Variants in MAPK10 observed in about 807,000 individuals in gnomAD.
MAPK10 encodes JNK3 alpha protein kinase.
A neutral mutation model predicts 59.3 loss-of-function variants in MAPK10; 25 were observed. The observed-to-expected ratio is 0.42, with a 90% CI of 0.31 to 0.59. MAPK10 has a LOEUF of 0.59. Among genes scored for constraint, MAPK10 ranks in the 20% least tolerant of loss-of-function variants. The pLI is 0.15. For synonymous variants in MAPK10, 190 were observed against 200.5 expected, an observed-to-expected ratio of 0.95 and a Z score of 0.44; for missense variants, 351 against 568.9, an observed-to-expected ratio of 0.62 and a Z score of 3.90.
At chr4:86,486,408 A>T (rs1754000714) in intron 1 of MAPK10, among the ~76,000 whole-genome samples, 7 of 152,248 alleles carry the variant, frequency 4.6e-5, no homozygotes, top group Admixed American at 4.6e-4. Context: ...GTAACTTTTG[A>T]TCACATGATT....
chr4:86,147,139 T>G (rs1467094014), intron 4 of MAPK10, among the ~76,000 whole-genome samples: 1 of 152,046 alleles, frequency 6.6e-6, no homozygotes. Context: ...CAGGCTGGAG[T>G]GCAGTAGCAT....
intron 2 of MAPK10, among the ~76,000 whole-genome samples, chr4:86,244,549 A>G (rs1427080771): frequency 6.6e-6 from 1 of 152,212 alleles, no homozygotes; most frequent in Non-Finnish European, 1.5e-5. Context: ...ACAGTTCTTA[A>G]TAATAGCATC....
At chr4:86,441,810 C>T (rs768733975) in intron 1 of MAPK10, among the ~76,000 whole-genome samples, 2 of 152,188 alleles carry the variant, frequency 1.3e-5, no homozygotes, top group Admixed American at 6.5e-5. Flanking sequence ...CAGGCTCCCC[C>T]TATTGTCCCC....
At chr4:86,076,196 G>A (rs1055759747) in intron 9 of MAPK10, among the ~76,000 whole-genome samples, 8 of 152,148 alleles carry the variant, frequency 5.3e-5, no homozygotes, top group Non-Finnish European at 8.8e-5. Flanking sequence ...CTCGGAAAGG[G>A]AACTCCCTGA....
intron 4 of MAPK10, among the ~76,000 whole-genome samples, chr4:86,154,900 G>A (rs959248561): frequency 7.2e-5 from 11 of 151,964 alleles, no homozygotes; most frequent in Non-Finnish European, 8.8e-5. Flanking sequence ...AATTTTTCTC[G>A]TAATTTTTAT....
At chr4:86,254,752 T>A (rs2093627562) in intron 2 of MAPK10, among the ~76,000 whole-genome samples, 1 of 150,286 alleles carries the variant, frequency 6.7e-6, no homozygotes, top group Non-Finnish European at 1.5e-5. Flanking sequence ...GTCTCGTTGA[T>A]CTGTCTAATG....
At position 86,304,392 on chromosome 4, in the gene MAPK10, T is replaced by TC. The variant is rs1408986817; in HGVS notation, c.-7+50137_-7+50138insG. Among the ~76,000 whole-genome samples the TC allele has an allele frequency of 2.1e-4, 19 of 89,042 alleles. No individual in the cohort carries two copies. The East Asian group carries it at 5.0e-3, about 23-fold the overall frequency. The allele number at this position is 89,042 out of a possible 152,430, so 58.4% of individuals were successfully genotyped here. On this transcript the variant is annotated intron_variant, in intron 2 of 13. Transcript: ENST00000641462. The stretch of plus-strand genomic sequence containing the variant: ...TGGCTTGTTTTGGAGTATTTCTTTT[T>TC]TTTTTTTTTTTTTTTTTTGAGACGG...
In MAPK10 at chr4:86,084,811, C is replaced by T. The variant is rs58418821; in HGVS notation, c.802+13713G>A. 4.3e-3 allele frequency among the ~76,000 whole-genome samples: 657 copies of T among 152,196 alleles called. 30 individuals carry two copies. The East Asian group carries it at 0.1, about 24-fold the overall frequency. On this transcript the variant is annotated intron_variant, in intron 9 of 13. Coordinates refer to ENST00000641462, the MANE Select transcript of MAPK10 (RefSeq NM_138982.4). ...CCAAAGCTATCCTAAGCAAAAAGAA[C>T]AAAATTGGAGGAAATCACATTACCT...
At chr4:86,341,298 T>C (rs1421378641) in intron 2 of MAPK10, among the ~76,000 whole-genome samples, 1 of 152,230 alleles carries the variant, frequency 6.6e-6, no homozygotes, top group Non-Finnish European at 1.5e-5. Flanking sequence ...TTCTGCACTC[T>C]AGACCAAGGG....
chr4:86,578,853 A>C (rs2149111285), intron 1 of MAPK10, among the ~76,000 whole-genome samples: 1 of 152,184 alleles, frequency 6.6e-6, no homozygotes, highest in South Asian at 2.1e-4. Context: ...TAAACAGAAA[A>C]TCTTGAAGAT....
At chr4:86,095,929 T>G (rs1487071667) in intron 9 of MAPK10, among the ~76,000 whole-genome samples, 1 of 151,822 alleles carries the variant, frequency 6.6e-6, no homozygotes, top group Admixed American at 6.6e-5. Flanking sequence ...TTTTCTAACC[T>G]ATTTCATTGG....
At chr4:86,079,787 T>C (rs997692213) in intron 9 of MAPK10, 1 of 152,144 alleles carries the variant, frequency 6.6e-6, no homozygotes, top group Non-Finnish European at 1.5e-5. Context: ...CTTCTGTATA[T>C]AACACTACAT....
At chr4:86,549,859 C>G (rs1301551048) in intron 1 of MAPK10, among the ~76,000 whole-genome samples, 1 of 151,678 alleles carries the variant, frequency 6.6e-6, no homozygotes, top group Admixed American at 6.6e-5. Context: ...AATAAACAAA[C>G]AAACAAACAA....
intron 1 of MAPK10, among the ~76,000 whole-genome samples, chr4:86,552,249 G>A (rs541803809): frequency 7.9e-5 from 12 of 151,644 alleles, no homozygotes; most frequent in South Asian, 2.1e-4. Flanking sequence ...GAAAGACCTC[G>A]TCTTTACAAA....
At chr4:86,524,091 T>C (rs146176601) in intron 1 of MAPK10, among the ~76,000 whole-genome samples, 3 of 152,324 alleles carry the variant, frequency 2.0e-5, no homozygotes, top group African/African-American at 7.2e-5. Flanking sequence ...CTTCCTCTTT[T>C]GCAATGTGAT....
intron 2 of MAPK10, among the ~76,000 whole-genome samples, chr4:86,202,204 A>C (rs1203304981): frequency 6.6e-6 from 1 of 151,740 alleles, no homozygotes; most frequent in East Asian, 1.9e-4. Context: ...CAAACTGTTC[A>C]TTTTCAGCAT....
Position 86,017,181 on chromosome 4 carries a change from T to C in MAPK10, c.*47A>G, listed in dbSNP as rs183689080. On this transcript the variant is annotated 3_prime_UTR_variant, in exon 14 of 14. Coordinates refer to ENST00000641462, the MANE Select transcript of MAPK10 (RefSeq NM_138982.4). This position sits in a 1 kb window ranked among gnomAD's most constrained non-coding sequence, Gnocchi z 4.4. ...TGTGTCTGCGTGTGTGTGTGTTCCA[T>C]CACATCATCTCCTGAAGAACGCTGG... is the stretch of plus-strand genomic sequence containing the variant. The C allele has an allele frequency of 5.1e-4, 822 of 1,598,090 alleles. 1 individual carries two copies. The highest frequency in any genetic ancestry group is 1.0e-3 in the Middle Eastern group (5 of 4,790).
At chr4:86,109,821 C>T (rs2057177293) in intron 4 of MAPK10, among the ~76,000 whole-genome samples, 1 of 152,180 alleles carries the variant, frequency 6.6e-6, no homozygotes, top group African/African-American at 2.4e-5. Context: ...CTGTCTTCTA[C>T]AATGGTTGAA....
chr4:86,518,275 G>A (rs1044795096), intron 1 of MAPK10, among the ~76,000 whole-genome samples: 4 of 152,136 alleles, frequency 2.6e-5, no homozygotes, highest in African/African-American at 9.7e-5. Context: ...TGCCCGCCTT[G>A]GCCTCTCAAA....
Sources: gnomAD v4.1 joint callset for allele counts (sites outside exome capture counted in the v4.1 genomes callset) on GRCh38, gnomAD v4.1.1 for gene constraint, Gnocchi (gnomAD v3.1) non-coding constraint, MANE v1.5 for transcripts, NCBI Gene and HGNC (gene_info 2026-07-23, HGNC 2026-07-21) for gene names.